DLGAP1: variants seen among roughly 807,000 people sequenced by gnomAD.
DLGAP1 encodes the protein DLG associated protein 1.
DLGAP1 carries 11 observed loss-of-function variants against 90.8 expected under a neutral mutation model. The ratio of observed to expected loss-of-function variants is 0.12; its 90% CI spans 0.08 to 0.20. The LOEUF is 0.20. Among genes scored for constraint, DLGAP1 ranks in the 10% least tolerant of loss-of-function variants. The pLI is 1.00. For missense variants in DLGAP1, 1,050 were observed against 1,333.8 expected (o/e 0.79, Z 3.31); for synonymous variants, 558 against 540.7 (o/e 1.03, Z -0.44).
intron 1 of DLGAP1, among the ~76,000 whole-genome samples, chr18:4,401,433 A>C (rs1341995907): frequency 6.6e-6 from 1 of 152,220 alleles, no homozygotes; most frequent in Non-Finnish European, 1.5e-5. Flanking sequence ...CAGGCACTAC[A>C]CTAGGCATGA....
intron 2 of DLGAP1, among the ~76,000 whole-genome samples, chr18:4,107,543 G>A (rs2075891208): frequency 6.6e-6 from 1 of 152,184 alleles, no homozygotes; most frequent in Non-Finnish European, 1.5e-5. Flanking sequence ...CTGGGGGGAT[G>A]AAATTGAAAG....
At chr18:3,901,269 C>T (rs1313912865) in intron 3 of DLGAP1, among the ~76,000 whole-genome samples, 3 of 152,120 alleles carry the variant, frequency 2.0e-5, no homozygotes, top group Admixed American at 1.3e-4. Context: ...GCTCCTCTGC[C>T]CACCATCTCT....
At chr18:4,139,883 G>A (rs7505672) in intron 2 of DLGAP1, among the ~76,000 whole-genome samples, 1 of 151,592 alleles carries the variant, frequency 6.6e-6, no homozygotes, top group African/African-American at 2.4e-5. Context: ...TTTCTTTTTA[G>A]AGCTTTTTGT....
intron 9 of DLGAP1, among the ~76,000 whole-genome samples, chr18:3,551,772 T>TTCCTTCCTTCCTTCC (rs1568180894): frequency 1.1e-5 from 1 of 92,690 alleles, no homozygotes; most frequent in African/African-American, 4.6e-5. Context: ...TCCTTCCTTC[T>TTCCTTCCTTCCTTCC]TTCCTTCCTT....
At chr18:3,699,264 T>C (rs2147105104) in intron 7 of DLGAP1, among the ~76,000 whole-genome samples, 2 of 152,358 alleles carry the variant, frequency 1.3e-5, no homozygotes. Flanking sequence ...CACTGGTTTT[T>C]CCTCATCTTC....
chr18:4,269,581 C>T (rs1223986631), intron 1 of DLGAP1, among the ~76,000 whole-genome samples: 1 of 151,892 alleles, frequency 6.6e-6, no homozygotes, highest in African/African-American at 2.4e-5. Context: ...GTCTCGATCT[C>T]CTGACCTTGT....
intron 3 of DLGAP1, among the ~76,000 whole-genome samples, chr18:3,975,745 A>G (rs1373777989): frequency 6.6e-6 from 1 of 152,234 alleles, no homozygotes; most frequent in African/African-American, 2.4e-5. Flanking sequence ...TAGCCTTAAA[A>G]AGCCAGGAAA....
chr18:4,119,846 T>C (rs1268226647), intron 2 of DLGAP1, among the ~76,000 whole-genome samples: 1 of 152,222 alleles, frequency 6.6e-6, no homozygotes, highest in Non-Finnish European at 1.5e-5. Context: ...AGATTTCCTA[T>C]GAAATGAGAC....
chr18:4,083,696 T>C (rs1378777050), intron 2 of DLGAP1, among the ~76,000 whole-genome samples: 2 of 152,034 alleles, frequency 1.3e-5, no homozygotes, highest in Non-Finnish European at 2.9e-5. Flanking sequence ...TGTGATGGGG[T>C]GTGGCTTGCT....
chr18:4,074,830 C>T (rs1429983153), intron 2 of DLGAP1, among the ~76,000 whole-genome samples: 1 of 152,116 alleles, frequency 6.6e-6, no homozygotes, highest in Non-Finnish European at 1.5e-5. Flanking sequence ...TGTAAGTTTT[C>T]ACTGGAGAAT....
At chr18:3,629,640 C>A (rs1465333472) in intron 7 of DLGAP1, among the ~76,000 whole-genome samples, 1 of 151,838 alleles carries the variant, frequency 6.6e-6, no homozygotes, top group Non-Finnish European at 1.5e-5. Context: ...CCACCGCACT[C>A]CAGCCTGGGC....
chr18:4,263,863 A>T (rs1252757439), intron 1 of DLGAP1, among the ~76,000 whole-genome samples: 1 of 152,192 alleles, frequency 6.6e-6, no homozygotes, highest in Non-Finnish European at 1.5e-5. Context: ...AGAAGATATG[A>T]TTTATAAACA....
intron 2 of DLGAP1, among the ~76,000 whole-genome samples, chr18:4,104,571 T>C (rs892689392): frequency 6.6e-6 from 1 of 152,202 alleles, no homozygotes; most frequent in Non-Finnish European, 1.5e-5. Context: ...GTATTGTTTA[T>C]TTTTTCATTT....
Position 4,438,562 on chromosome 18 carries a change from C to T in DLGAP1, c.-267+16444G>A, listed in dbSNP as rs564808157. On this transcript the variant is annotated intron_variant, in intron 1 of 12. Coordinates refer to ENST00000315677, the MANE Select transcript of DLGAP1 (RefSeq NM_004746.4). The stretch of plus-strand genomic sequence containing the variant: ...GTACCCCTAGCCCCACTCCACTATC[C>T]CCATTCATTTCTTCATCACTTTTAT... Among the ~76,000 whole-genome samples, 21 of 151,904 alleles carry T rather than the reference C, an allele frequency of 1.4e-4. 2 individuals are homozygous for T. The South Asian group carries it at 4.4e-3, about 32-fold the overall frequency.
chr18:3,949,518 A>G, intron 3 of DLGAP1, among the ~76,000 whole-genome samples: 1 of 152,134 alleles, frequency 6.6e-6, no homozygotes, highest in South Asian at 2.1e-4. Context: ...CATCTTGGTA[A>G]CAATTCCTTC....
intron 2 of DLGAP1, among the ~76,000 whole-genome samples, chr18:4,022,339 G>A (rs2074625512): frequency 1.3e-5 from 2 of 149,438 alleles, no homozygotes; most frequent in South Asian, 4.2e-4. Flanking sequence ...TCCAACCATA[G>A]TCAGCTTTTA....
At chr18:4,285,473 C>A (rs967532154) in intron 1 of DLGAP1, among the ~76,000 whole-genome samples, 2 of 152,124 alleles carry the variant, frequency 1.3e-5, no homozygotes, top group Admixed American at 1.3e-4. Context: ...ACATATAGGG[C>A]AGATCAGACA....
At chr18:4,111,234 C>T (rs1213042722) in intron 2 of DLGAP1, among the ~76,000 whole-genome samples, 1 of 152,034 alleles carries the variant, frequency 6.6e-6, no homozygotes, top group Non-Finnish European at 1.5e-5. Flanking sequence ...AATGCTGAAC[C>T]AACCTCACAT....
At position 4,000,904 on chromosome 18, in the gene DLGAP1, C is replaced by A. The variant is rs77058217; in HGVS notation, c.-73+4212G>T. 6.5e-3 allele frequency among the ~76,000 whole-genome samples: 983 copies of A among 152,218 alleles called. 7 individuals are homozygous for A. Among genetic ancestry groups the A allele is most frequent in the South Asian group, 0.029 (139 of 4,822 alleles). ...TGTTTATATGTAGTGCATTCTGGGC[C>A]AGTTTTACCAGGTACGTCCTTTCAA... On this transcript the variant is annotated intron_variant, in intron 3 of 12. Coordinates refer to ENST00000315677, the MANE Select transcript of DLGAP1 (RefSeq NM_004746.4).
Sources: gnomAD v4.1 joint callset for allele counts (sites outside exome capture counted in the v4.1 genomes callset) on GRCh38, gnomAD v4.1.1 for gene constraint, MANE v1.5 for transcripts, NCBI Gene and HGNC (gene_info 2026-07-23, HGNC 2026-07-21) for gene names.